TNNI3K: variants seen among roughly 807,000 people sequenced by gnomAD.
TNNI3K encodes the protein serine/threonine-protein kinase TNNI3K.
A neutral mutation model predicts 114.5 loss-of-function variants in TNNI3K; 140 were observed. That is an observed-to-expected ratio of 1.22 (90% CI 1.07 to 1.41). TNNI3K has a LOEUF of 1.41. Ranked by LOEUF, TNNI3K falls within the 40% of genes most tolerant of loss-of-function variation. The pLI is 0.00. For missense variants in TNNI3K, 1,125 were observed against 1,007.6 expected (o/e 1.12, Z -1.58); for synonymous variants, 347 against 347.5 (o/e 1.00, Z 0.02).
At chr1:74,274,290 G>A (rs537580483) in intron 5 of TNNI3K, among the ~76,000 whole-genome samples, 1 of 152,076 alleles carries the variant, frequency 6.6e-6, no homozygotes, top group Non-Finnish European at 1.5e-5. Context: ...ATAGGCAAAG[G>A]AGGAGGAGGA....
chr1:74,293,328 T>C (rs1657792852), intron 5 of TNNI3K, among the ~76,000 whole-genome samples: 1 of 151,722 alleles, frequency 6.6e-6, no homozygotes, highest in African/African-American at 2.4e-5. Flanking sequence ...TTGTTTGTTG[T>C]ATGTGAGTAC....
chr1:74,334,237 A>G (rs1316612739), intron 6 of TNNI3K, among the ~76,000 whole-genome samples: 1 of 152,188 alleles, frequency 6.6e-6, no homozygotes, highest in East Asian at 1.9e-4. Flanking sequence ...GCTCTTGTCT[A>G]TTGTACTCAA....
chr1:74,335,760 T>C (rs1196936620), intron 6 of TNNI3K, among the ~76,000 whole-genome samples: 1 of 152,180 alleles, frequency 6.6e-6, no homozygotes, highest in Non-Finnish European at 1.5e-5. Flanking sequence ...CTGGAGATGC[T>C]GCAGCTCTCT....
At chr1:74,255,603 T>G (rs1218756828) in intron 4 of TNNI3K, among the ~76,000 whole-genome samples, 2 of 152,222 alleles carry the variant, frequency 1.3e-5, no homozygotes, top group African/African-American at 4.8e-5. Context: ...TTTGTTTTAG[T>G]TTGTTGAGTT....
intron 23 of TNNI3K, among the ~76,000 whole-genome samples, chr1:74,501,647 C>T (rs549506760): frequency 1.0e-3 from 158 of 152,056 alleles, no homozygotes; most frequent in African/African-American, 3.5e-3. Context: ...CTACCACGCC[C>T]GGGTAATTTT....
chr1:74,316,695 TTTA>T (rs1659324914), intron 5 of TNNI3K, among the ~76,000 whole-genome samples: 1 of 151,368 alleles, frequency 6.6e-6, no homozygotes, highest in African/African-American at 2.4e-5. Context: ...TATTTATTTA[TTTA>T]TTTATTTTTG....
chr1:74,295,073 C>T (rs1234240113), intron 5 of TNNI3K, among the ~76,000 whole-genome samples: 1 of 151,870 alleles, frequency 6.6e-6, no homozygotes, highest in Admixed American at 6.6e-5. Context: ...TATATATTTA[C>T]ACACTCATTC....
Position 74,436,508 on chromosome 1 carries a change from C to T in TNNI3K, c.1860C>T (p.Asn620=). The T allele has an allele frequency of 2.5e-6, 4 of 1,586,928 alleles. No individual in the cohort carries two copies. The South Asian group carries it at 3.5e-5, about 14-fold the overall frequency. Residue 620 remains asparagine (N), a synonymous_variant, in exon 19 of 25, where the codon AAC becomes AAT. Transcript: ENST00000326637. The part of the protein sequence containing the change: ...SRFLQSLDED[N]MTKQPGNLRW... ...TTCTACAGTCTCTGGATGAAGACAA[C>T]ATGACAAAACAACCTGGGGTTTGCT... is the stretch of plus-strand genomic sequence containing the variant.
intron 17 of TNNI3K, among the ~76,000 whole-genome samples, chr1:74,410,427 C>T (rs951592022): frequency 1.3e-5 from 2 of 152,086 alleles, no homozygotes; most frequent in Non-Finnish European, 2.9e-5. Context: ...CTCCAGGCTC[C>T]CTCAATATAT....
chr1:74,474,577 G>A (rs1668098801), intron 21 of TNNI3K, among the ~76,000 whole-genome samples: 1 of 152,266 alleles, frequency 6.6e-6, no homozygotes, highest in South Asian at 2.1e-4. Flanking sequence ...ATAAATGACA[G>A]GAACCTCTTT....
chr1:74,277,673 A>G lies in TNNI3K; in HGVS notation c.444+5965A>G, dbSNP rs557243547. Among the ~76,000 whole-genome samples the G allele has an allele frequency of 9.2e-4, 140 of 152,324 alleles. 1 individual carries two copies. Among genetic ancestry groups the G allele is most frequent in the Non-Finnish European group, 1.7e-3 (119 of 68,012 alleles). On this transcript the variant is annotated intron_variant, in intron 5 of 24. Coordinates refer to ENST00000326637, the MANE Select transcript of TNNI3K (RefSeq NM_015978.3). ...ACGTGCTGTAGTTTCTGCAGTTGCC[A>G]TAAGTCAAATCAGTTTTCTGCAGCC...
chr1:74,347,363 G>T (rs1338928202), intron 9 of TNNI3K, among the ~76,000 whole-genome samples: 3 of 151,932 alleles, frequency 2.0e-5, no homozygotes, highest in Admixed American at 1.3e-4. Context: ...GTATTCCATG[G>T]TGTATATGTG....
intron 5 of TNNI3K, among the ~76,000 whole-genome samples, chr1:74,297,755 A>AT (rs923776918): frequency 6.6e-6 from 1 of 152,062 alleles, no homozygotes; most frequent in South Asian, 2.1e-4. Flanking sequence ...CTGGTCTATA[A>AT]TTTTTTGTAT....
intron 21 of TNNI3K, among the ~76,000 whole-genome samples, chr1:74,488,860 G>GT (rs1486843523): frequency 2.0e-5 from 3 of 152,144 alleles, no homozygotes; most frequent in African/African-American, 7.2e-5. Flanking sequence ...ATAGTTAATA[G>GT]TTTTTAGTAT....
At chr1:74,537,516 T>C (rs1016991927) in intron 23 of TNNI3K, among the ~76,000 whole-genome samples, 2 of 152,196 alleles carry the variant, frequency 1.3e-5, no homozygotes, top group Non-Finnish European at 2.9e-5. Context: ...TGATGTTAGC[T>C]TTCAGGAAAA....
intron 5 of TNNI3K, among the ~76,000 whole-genome samples, chr1:74,292,161 A>G (rs1254718756): frequency 5.3e-5 from 8 of 151,276 alleles, no homozygotes; most frequent in Non-Finnish European, 8.9e-5. Context: ...AAGTTTAGCA[A>G]TTTTGTGTCT....
chr1:74,298,333 A>G (rs1019862963), intron 5 of TNNI3K, among the ~76,000 whole-genome samples: 1 of 152,190 alleles, frequency 6.6e-6, no homozygotes, highest in African/African-American at 2.4e-5. Context: ...GTAAATAGTA[A>G]TGAATGATTG....
chr1:74,247,029 C>T (rs1654605213), intron 2 of TNNI3K, among the ~76,000 whole-genome samples: 1 of 152,110 alleles, frequency 6.6e-6, no homozygotes, highest in South Asian at 2.1e-4. Context: ...ATATATGTGA[C>T]AATATGCATG....
At chr1:74,324,178 G>A (rs1659774722) in intron 5 of TNNI3K, among the ~76,000 whole-genome samples, 1 of 152,202 alleles carries the variant, frequency 6.6e-6, no homozygotes, top group Admixed American at 6.5e-5. Flanking sequence ...TCCAATTTGT[G>A]ACCAGTTGCT....
Sources: gnomAD v4.1 joint callset for allele counts (sites outside exome capture counted in the v4.1 genomes callset) on GRCh38, gnomAD v4.1.1 for gene constraint, MANE v1.5 for transcripts, NCBI Gene and HGNC (gene_info 2026-07-23, HGNC 2026-07-21) for gene names.